Variants in ARFGEF3 observed in about 807,000 individuals in gnomAD.
ARFGEF3 encodes ARFGEF family member 3.
Under a neutral mutation model 221.7 loss-of-function variants are expected in ARFGEF3, and 96 were observed. That is an observed-to-expected ratio of 0.43 (90% confidence interval 0.37 to 0.51). ARFGEF3 has a LOEUF of 0.51. Among genes scored for constraint, ARFGEF3 ranks in the 20% least tolerant of loss-of-function variants. The pLI is 0.00. For missense variants in ARFGEF3, 2,410 were observed against 2,789.9 expected, an observed-to-expected ratio of 0.86 and a Z score of 3.07; for synonymous variants, 1,145 against 1,126.8, an observed-to-expected ratio of 1.02 and a Z score of -0.32.
chr6:138,335,118 A>G lies in ARFGEF3; in HGVS notation c.6272A>G (p.Lys2091Arg), dbSNP rs762884108. The G allele has an allele frequency of 1.2e-6, 2 of 1,600,326 alleles. No individual in the cohort carries two copies. The highest frequency in any genetic ancestry group is 1.7e-6 in the Non-Finnish European group (2 of 1,174,886). The change falls in exon 33 of 34, where the codon AAG becomes AGG. Residue 2091 changes from lysine to arginine, a missense_variant. Transcript: ENST00000251691. The stretch of plus-strand genomic sequence containing the variant: ...GGCCCCGAGCTGCTGCGACAGGACA[A>G]GAGGCCCCGCTCAGGCTCCACCGGG... Reference protein sequence around the residue: ...SAGPELLRQDKRPRSGSTGSS... With the variant: ...SAGPELLRQDRRPRSGSTGSS...
At chr6:138,328,272 G>T in intron 32 of ARFGEF3, 130 bp downstream of exon 32, 1 of 1,160,124 alleles carries the variant, frequency 8.6e-7, no homozygotes, top group Non-Finnish European at 1.2e-6. Context: ...TTTAGCAAAG[G>T]TTTTCATAAA....
In ARFGEF3 at chr6:138,202,322, C is replaced by T. The variant is rs576371655; in HGVS notation, c.138-4720C>T. On this transcript the variant is annotated intron_variant, in intron 2 of 33. Coordinates refer to ENST00000251691, the MANE Select transcript of ARFGEF3 (RefSeq NM_020340.5). ...TTGCATTTTCATTATAAATTTCGTC[C>T]TGAGACCCAATTAACAGGCCTGTTT... 1.3e-4 allele frequency among the ~76,000 whole-genome samples: 20 copies of T among 152,204 alleles called. No homozygotes were observed. The East Asian group carries it at 3.9e-3, about 29-fold the overall frequency.
rs755264974 is a variant in ARFGEF3, at chr6:138,294,009, A to G, written c.3385A>G (p.Thr1129Ala). The G allele has an allele frequency of 1.9e-6, 3 of 1,613,862 alleles. No individual in the cohort carries two copies. Among genetic ancestry groups the G allele is most frequent in the Non-Finnish European group, 1.7e-6 (2 of 1,179,862 alleles). Residue 1129 changes from threonine to alanine, a missense_variant, in exon 20 of 34, where the codon ACG becomes GCG. By Grantham distance (58) the Thr-to-Ala change is moderately conservative (BLOSUM62 0). Coordinates refer to ENST00000251691, the MANE Select transcript of ARFGEF3 (RefSeq NM_020340.5). ...TQADRLFEDA[T>A]DKLNLMALGG... ...TGCATCCAGGCTCTTTGAAGATGCT[A>G]CGGATAAGTTGAACCTCATGGCCTT...
chr6:138,304,481 A>G lies in ARFGEF3; in HGVS notation c.3829-2772A>G, dbSNP rs553129577. Among the ~76,000 whole-genome samples, 4 of 152,354 alleles carry G rather than the reference A, an allele frequency of 2.6e-5. No individual in the cohort carries two copies. The South Asian group carries it at 6.2e-4, about 24-fold the overall frequency. On this transcript the variant is annotated intron_variant, in intron 22 of 33. Coordinates refer to ENST00000251691, the MANE Select transcript of ARFGEF3 (RefSeq NM_020340.5). ...TCATAAACTTGTCATTAGTCTTTGA[A>G]GAAAAAATATGTAAAAGAAAAATGT...
Position 138,253,992 on chromosome 6 carries a change from C to G in ARFGEF3, c.770+8C>G, listed in dbSNP as rs1230089082. ...CTTCACGGACCTGATCTGGTGAGCA[C>G]CCACTCCTGACGCCCCGACGCTGAT... On this transcript the variant is annotated splice_region_variant and intron_variant, in intron 9 of 33. Transcript: ENST00000251691. 1.9e-6 allele frequency: 3 copies of G among 1,551,198 alleles called. No individual in the cohort carries two copies. The highest frequency in any genetic ancestry group is 1.7e-6 in the Non-Finnish European group (2 of 1,151,546).
intron 4 of ARFGEF3, 66 bp from the exon 5 acceptor site, chr6:138,229,718 G>C (rs1778154283): frequency 7.9e-7 from 1 of 1,266,528 alleles, no homozygotes. Context: ...AATGGCATAT[G>C]AAACAACAGT....
chr6:138,172,417 G>A (rs1776854410), intron 2 of ARFGEF3, among the ~76,000 whole-genome samples: 1 of 152,132 alleles, frequency 6.6e-6, no homozygotes, highest in Admixed American at 6.5e-5. Context: ...AACCACACCT[G>A]TTACCCACCT....
chr6:138,219,186 G>T (rs781347590), intron 4 of ARFGEF3, among the ~76,000 whole-genome samples: 3 of 152,192 alleles, frequency 2.0e-5, no homozygotes, highest in Admixed American at 1.3e-4. Flanking sequence ...TTAAGGAGGG[G>T]ATACTATTTG....
At position 138,255,568 on chromosome 6, in the gene ARFGEF3, C is replaced by G; in HGVS notation, c.903C>G (p.His301Gln). 1 of 1,614,014 alleles carries G rather than the reference C, an allele frequency of 6.2e-7. No homozygotes were observed. Among genetic ancestry groups the G allele is most frequent in the Non-Finnish European group, 8.5e-7 (1 of 1,179,894 alleles). ...CTGCGTCTCCGGGAGTGTCTGACCA[C>G]GGCCGAGGATCAGGCTGCTCCTGCA... is the stretch of plus-strand genomic sequence containing the variant. Reference protein sequence around the residue: ...SDSASPGVSDHGRGSGCSCTA... With the variant: ...SDSASPGVSDQGRGSGCSCTA... Residue 301 changes from histidine (H) to glutamine (Q), a missense_variant, in exon 10 of 34, where the codon CAC (histidine) becomes CAG (glutamine). Physicochemically the swap from His to Gln is conservative, Grantham distance 24. Transcript: ENST00000251691.
intron 4 of ARFGEF3, chr6:138,216,116 T>G (rs1777848331): frequency 6.6e-6 from 1 of 152,202 alleles, no homozygotes; most frequent in Non-Finnish European, 1.5e-5. Flanking sequence ...TAGCTGGGAT[T>G]ACAGGCATGT....
intron 12 of ARFGEF3, among the ~76,000 whole-genome samples, chr6:138,276,549 T>G (rs1039151765): frequency 6.6e-6 from 1 of 151,800 alleles, no homozygotes; most frequent in African/African-American, 2.4e-5. Flanking sequence ...ATTTAATGGT[T>G]TTTTTTTTGA....
intron 4 of ARFGEF3, chr6:138,217,110 A>G (rs1439223759): frequency 6.6e-6 from 1 of 152,246 alleles, no homozygotes; most frequent in Admixed American, 6.5e-5. Flanking sequence ...TAAATAGTTT[A>G]TGCATTATTT....
intron 12 of ARFGEF3, among the ~76,000 whole-genome samples, chr6:138,277,662 T>C (rs1779123005): frequency 6.6e-6 from 1 of 152,248 alleles, no homozygotes; most frequent in Non-Finnish European, 1.5e-5. Context: ...AAGGGTCTAC[T>C]ATGTACCAAA....
chr6:138,232,764 G>A (rs893889700), intron 5 of ARFGEF3, among the ~76,000 whole-genome samples: 1 of 152,018 alleles, frequency 6.6e-6, no homozygotes, highest in African/African-American at 2.4e-5. Flanking sequence ...AGTGCCTAAG[G>A]CATGGCAATA....
At chr6:138,216,995 C>T (rs1777877597) in intron 4 of ARFGEF3, 1 of 152,154 alleles carries the variant, frequency 6.6e-6, no homozygotes, top group Non-Finnish European at 1.5e-5. Context: ...CTGAGTTTTC[C>T]TCCCATCTTT....
rs186821302 is a variant in ARFGEF3 at position 138,319,836 on chromosome 6, C to T, written c.4608C>T (p.Ser1536=). The change falls in exon 28 of 34, where the codon TCC becomes TCT. Residue 1536 remains serine (S), a synonymous_variant. Coordinates refer to ENST00000251691, the MANE Select transcript of ARFGEF3 (RefSeq NM_020340.5). The part of the protein sequence containing the change: ...SANFKHAIGL[S]CELVVEHIQS... Reference sequence around the variant, plus strand: ...ATTTCAAGCACGCTATTGGTCTGTCCTGTGAGCTGGTGGTGGAGCACATTC... The same window carrying T: ...ATTTCAAGCACGCTATTGGTCTGTCTTGTGAGCTGGTGGTGGAGCACATTC... The T allele has an allele frequency of 2.5e-5, 41 of 1,614,024 alleles. No homozygotes were observed. The highest frequency in any genetic ancestry group is 1.7e-4 in the Middle Eastern group (1 of 6,044).
intron 2 of ARFGEF3, among the ~76,000 whole-genome samples, chr6:138,187,541 G>C (rs73774679): frequency 6.6e-6 from 1 of 152,184 alleles, no homozygotes; most frequent in Non-Finnish European, 1.5e-5. Flanking sequence ...ATTGGGTAGC[G>C]CCCAGCCTGC....
intron 12 of ARFGEF3, among the ~76,000 whole-genome samples, chr6:138,272,714 G>C (rs115261708): frequency 6.6e-6 from 1 of 152,154 alleles, no homozygotes; most frequent in Non-Finnish European, 1.5e-5. Flanking sequence ...CTGTGACTAA[G>C]CAAAGTTGTG....
chr6:138,319,950 T>G, intron 28 of ARFGEF3, 71 bp downstream of exon 28: 4 of 1,274,760 alleles, frequency 3.1e-6, no homozygotes, highest in Non-Finnish European at 4.5e-6. Flanking sequence ...TAAAACGGTG[T>G]AGTAAATACC....
Sources: allele counts gnomAD v4.1 joint callset (sites outside exome capture counted in the v4.1 genomes callset), GRCh38; gene constraint gnomAD v4.1.1; transcripts MANE v1.5; gene names NCBI Gene and HGNC (gene_info 2026-07-23, HGNC 2026-07-21).